The following NR3C2 variants were observed in gnomAD, a reference collection of about 807,000 sequenced individuals.
NR3C2 encodes mineralocorticoid receptor.
In NR3C2, 15 loss-of-function variants were observed where a neutral mutation model predicts 86.4. That is an observed-to-expected ratio of 0.17 (90% CI 0.12 to 0.27). NR3C2 has a LOEUF of 0.27. NR3C2 is among the 10% of genes least tolerant of loss of function. NR3C2 has a pLI of 1.00. For synonymous variants in NR3C2, 458 were observed against 450.5 expected (o/e 1.02, Z -0.21); for missense variants, 960 against 1,195.6 (o/e 0.80, Z 2.91).
intron 4 of NR3C2, among the ~76,000 whole-genome samples, chr4:148,155,493 T>G (rs559265140): frequency 6.6e-6 from 1 of 152,118 alleles, no homozygotes; most frequent in South Asian, 2.1e-4. Context: ...AGCCAAATCA[T>G]GAGTGAACTC....
rs189611870 is a variant in NR3C2, at chr4:148,268,217, G to A, written c.1758-8100C>T. Among the ~76,000 whole-genome samples the A allele has an allele frequency of 3.1e-3, 476 of 152,262 alleles. 2 individuals carry two copies. Among genetic ancestry groups the A allele is most frequent in the Non-Finnish European group, 4.9e-3 (336 of 68,012 alleles). On this transcript the variant is annotated intron_variant, in intron 2 of 8. Transcript: ENST00000358102. ...GCCTCCCAAAGTGCTAGGATTACAG[G>A]CATGAGCCACTGTGCCTGGCCTTGA... is the stretch of plus-strand genomic sequence containing the variant.
chr4:148,410,282 T>C (rs527939274), intron 2 of NR3C2, among the ~76,000 whole-genome samples: 9 of 152,318 alleles, frequency 5.9e-5, no homozygotes, highest in African/African-American at 1.9e-4. Context: ...CCATTCCAAG[T>C]CAAGTTAACT....
At chr4:148,367,340 G>A (rs765887460) in intron 2 of NR3C2, among the ~76,000 whole-genome samples, 6 of 151,914 alleles carry the variant, frequency 3.9e-5, no homozygotes, top group Non-Finnish European at 8.8e-5. Flanking sequence ...TTGCTCTATC[G>A]GTCTATGTCA....
intron 3 of NR3C2, among the ~76,000 whole-genome samples, chr4:148,251,494 GGGTAT>G (rs766590108): frequency 1.3e-5 from 2 of 152,130 alleles, no homozygotes; most frequent in Non-Finnish European, 2.9e-5. Flanking sequence ...TAGGACTCTT[GGGTAT>G]GGTTTCTGAG....
intron 4 of NR3C2, among the ~76,000 whole-genome samples, chr4:148,190,179 G>C (rs1044377875): frequency 1.3e-5 from 2 of 152,228 alleles, no homozygotes; most frequent in Non-Finnish European, 2.9e-5. Context: ...TCAGGGCTAT[G>C]AACTTTCATC....
chr4:148,240,272 T>A (rs565690926), intron 3 of NR3C2, among the ~76,000 whole-genome samples: 1 of 147,896 alleles, frequency 6.8e-6, no homozygotes, highest in African/African-American at 2.5e-5. Flanking sequence ...ATATATATAT[T>A]TTATATATAT....
At chr4:148,089,234 G>A (rs1313665221) in intron 8 of NR3C2, among the ~76,000 whole-genome samples, 1 of 152,204 alleles carries the variant, frequency 6.6e-6, no homozygotes, top group African/African-American at 2.4e-5. Context: ...TCAGTCTGCA[G>A]AGTGGTATTT....
intron 4 of NR3C2, among the ~76,000 whole-genome samples, chr4:148,184,685 G>T (rs1289077400): frequency 6.6e-6 from 1 of 152,010 alleles, no homozygotes; most frequent in Non-Finnish European, 1.5e-5. Flanking sequence ...TCAACTGATG[G>T]ATTTTATAAA....
intron 4 of NR3C2, among the ~76,000 whole-genome samples, chr4:148,187,551 T>A (rs564332497): frequency 7.0e-6 from 1 of 143,368 alleles, no homozygotes; most frequent in South Asian, 2.5e-4. Flanking sequence ...GGATGGGATT[T>A]TTTTTTCTTA....
intron 2 of NR3C2, among the ~76,000 whole-genome samples, chr4:148,301,062 A>T (rs1228839974): frequency 6.6e-6 from 1 of 152,164 alleles, no homozygotes; most frequent in Non-Finnish European, 1.5e-5. Flanking sequence ...ATACCTGTTT[A>T]TTAGGCCCTA....
At chr4:148,162,408 C>T (rs375021551) in intron 4 of NR3C2, among the ~76,000 whole-genome samples, 3 of 152,026 alleles carry the variant, frequency 2.0e-5, no homozygotes, top group African/African-American at 7.2e-5. Flanking sequence ...ATCCCCCCTC[C>T]CCTTTTTAAT....
intron 2 of NR3C2, among the ~76,000 whole-genome samples, chr4:148,371,156 C>T (rs1403546666): frequency 1.3e-5 from 2 of 152,184 alleles, no homozygotes; most frequent in Non-Finnish European, 2.9e-5. Context: ...GGGAATCCAT[C>T]ACCTCGAGCA....
At chr4:148,219,958 T>C (rs6815356) in intron 3 of NR3C2, among the ~76,000 whole-genome samples, 1,928 of 152,224 alleles carry the variant, frequency 0.013, 34 homozygotes, top group African/African-American at 0.043. Flanking sequence ...AGTCTCACTC[T>C]GTCACCCAAA....
intron 8 of NR3C2, among the ~76,000 whole-genome samples, chr4:148,108,890 C>T (rs1021853889): frequency 2.6e-5 from 4 of 152,286 alleles, no homozygotes; most frequent in African/African-American, 4.8e-5. Flanking sequence ...AATTCCAGAA[C>T]GTGCCAGGGA....
At chr4:148,232,544 T>C (rs1215017738) in intron 3 of NR3C2, among the ~76,000 whole-genome samples, 5 of 152,082 alleles carry the variant, frequency 3.3e-5, no homozygotes, top group African/African-American at 4.8e-5. Context: ...ACAGGCAGAG[T>C]AGATTTAGCA....
At chr4:148,197,749 C>T (rs769023076) in intron 3 of NR3C2, among the ~76,000 whole-genome samples, 2 of 152,158 alleles carry the variant, frequency 1.3e-5, no homozygotes, top group Non-Finnish European at 2.9e-5. Context: ...TTGTAAGAGA[C>T]TGTTGCAGAC....
rs72645689 is a variant in NR3C2, at chr4:148,436,778, C to T, written c.83G>A (p.Arg28His). 111 of 1,613,672 alleles carry T rather than the reference C, an allele frequency of 6.9e-5. No individual in the cohort carries two copies. Among genetic ancestry groups the T allele is most frequent in the African/African-American group, 1.2e-4 (9 of 74,908 alleles). ...CCTCTCTGTAGGTCCCAGGGAAGAA[C>T]GCTCCACAGCCTGAGAAACTTGACC... ...RWGQVSQAVE[R>H]SSLGPTERTD... is the part of the protein sequence containing the mutation. Residue 28 changes from arginine to histidine, a missense_variant, in exon 2 of 9, where the codon CGT becomes CAT. Arg to His is a conservative substitution (Grantham distance 29). This residue lies in a region of NR3C2 where 680 missense variants were observed against 719.0 expected (regional missense o/e 0.95). Transcript: ENST00000358102.
At chr4:148,210,865 A>G (rs1737248622) in intron 3 of NR3C2, among the ~76,000 whole-genome samples, 1 of 152,252 alleles carries the variant, frequency 6.6e-6, no homozygotes, top group South Asian at 2.1e-4. Context: ...TGTGAAATTA[A>G]AGCCTTTCTA....
intron 2 of NR3C2, among the ~76,000 whole-genome samples, chr4:148,367,410 T>C (rs1217874989): frequency 6.6e-6 from 1 of 152,162 alleles, no homozygotes; most frequent in Admixed American, 6.5e-5. Flanking sequence ...GTGAAAATCA[T>C]AAAAGATTAA....
Sources: allele counts gnomAD v4.1 joint callset (sites outside exome capture counted in the v4.1 genomes callset), GRCh38; gene constraint gnomAD v4.1.1; regional missense constraint gnomAD v4.1.1; transcripts MANE v1.5; gene names NCBI Gene and HGNC (gene_info 2026-07-23, HGNC 2026-07-21).